The following APLF variants were observed in gnomAD, a reference collection of about 807,000 sequenced individuals.
APLF encodes aprataxin and PNK-like factor.
A neutral mutation model predicts 55.6 loss-of-function variants in APLF; 61 were observed. The ratio of observed to expected loss-of-function variants is 1.10; its 90% CI spans 0.89 to 1.36. APLF has a LOEUF of 1.36. Among genes scored for constraint, APLF ranks in the 40% most tolerant of loss-of-function variants. The probability of loss-of-function intolerance (pLI) is 0.00; values close to 1 mark genes in which losing one functional copy is unlikely to be tolerated. For synonymous variants in APLF, 207 were observed against 214.8 expected, an observed-to-expected ratio of 0.96 and a Z score of 0.32; for missense variants, 611 against 602.5, an observed-to-expected ratio of 1.01 and a Z score of -0.15.
intron 1 of APLF, among the ~76,000 whole-genome samples, chr2:68,482,535 T>A (rs1228310116): frequency 6.6e-6 from 1 of 152,150 alleles, no homozygotes; most frequent in Non-Finnish European, 1.5e-5. Flanking sequence ...GCAGGGCTGC[T>A]AGGCTACTTC....
intron 8 of APLF, among the ~76,000 whole-genome samples, chr2:68,560,465 A>G (rs1671138483): frequency 6.6e-6 from 1 of 152,150 alleles, no homozygotes; most frequent in Non-Finnish European, 1.5e-5. Flanking sequence ...AATTACAAAG[A>G]TTTATAACTT....
chr2:68,566,060 C>T (rs1213906081), intron 8 of APLF, among the ~76,000 whole-genome samples: 2 of 151,958 alleles, frequency 1.3e-5, no homozygotes, highest in Non-Finnish European at 2.9e-5. Context: ...AGACTAGGTT[C>T]GGGGCTAGAG....
chr2:68,536,065 C>T (rs1290355489), intron 6 of APLF, among the ~76,000 whole-genome samples: 4 of 152,074 alleles, frequency 2.6e-5, no homozygotes, highest in African/African-American at 9.7e-5. Context: ...GGGGGAACTG[C>T]CTAGTAGGGA....
At chr2:68,471,639 A>G (rs987535834) in intron 1 of APLF, among the ~76,000 whole-genome samples, 5 of 152,206 alleles carry the variant, frequency 3.3e-5, no homozygotes, top group African/African-American at 9.7e-5. Context: ...GAGGGTCTCT[A>G]TGCAATCCCT....
chr2:68,513,027 GC>G (rs1669446666), intron 3 of APLF, 52 bp from the exon 4 acceptor site: 9 of 1,510,432 alleles, frequency 6.0e-6, no homozygotes, highest in African/African-American at 1.4e-5. Flanking sequence ...TTCTAAGGCA[GC>G]AGAAGTGTGT....
At chr2:68,501,402 C>T (rs965769047) in intron 2 of APLF, among the ~76,000 whole-genome samples, 11 of 151,122 alleles carry the variant, frequency 7.3e-5, no homozygotes, top group African/African-American at 2.4e-4. Context: ...TAATAGAGAT[C>T]GGTGCTCTCT....
intron 1 of APLF, among the ~76,000 whole-genome samples, chr2:68,485,187 T>C (rs1223185771): frequency 2.0e-5 from 3 of 152,144 alleles, no homozygotes; most frequent in Non-Finnish European, 4.4e-5. Flanking sequence ...AATAATGCAC[T>C]TTTTGCATTT....
At chr2:68,563,443 C>A in intron 8 of APLF, 1 of 809,154 alleles carries the variant, frequency 1.2e-6, no homozygotes, top group Non-Finnish European at 1.5e-6. Flanking sequence ...CATGCGAGTG[C>A]AACTGGGAAT....
chr2:68,489,182 A>G (rs943185466), intron 1 of APLF, among the ~76,000 whole-genome samples: 14 of 152,214 alleles, frequency 9.2e-5, no homozygotes, highest in Admixed American at 3.3e-4. Context: ...TGGAACAGCT[A>G]TCTGGTTAAA....
At chr2:68,554,556 G>T (rs1670952436) in intron 8 of APLF, among the ~76,000 whole-genome samples, 1 of 151,546 alleles carries the variant, frequency 6.6e-6, no homozygotes, top group South Asian at 2.1e-4. Flanking sequence ...CCATTTGTTT[G>T]TGTCGTCTAT....
intron 1 of APLF, among the ~76,000 whole-genome samples, chr2:68,484,362 G>C (rs1676061037): frequency 6.6e-6 from 1 of 152,058 alleles, no homozygotes; most frequent in South Asian, 2.1e-4. Flanking sequence ...TAAGAATAGA[G>C]AGACCTGTTC....
chr2:68,515,423 A>G (rs1315476374), intron 5 of APLF, among the ~76,000 whole-genome samples: 2 of 151,938 alleles, frequency 1.3e-5, no homozygotes, highest in East Asian at 3.9e-4. Flanking sequence ...CTGATAAAAG[A>G]AAGACTTAAC....
chr2:68,579,610 G>T lies in APLF; in HGVS notation c.*1588G>T, dbSNP rs935791970. 1 of 164,958 alleles carries T rather than the reference G, an allele frequency of 6.1e-6. No individual in the cohort carries two copies. Among genetic ancestry groups the T allele is most frequent in the Admixed American group, 6.6e-5 (1 of 15,264 alleles). 10.2% of individuals were successfully genotyped at this position (164,958 alleles called of 1,614,324 possible). ...ATATCTGTGCAATGGAATATTATTT[G>T]GTCATAAAAAGGAATAAAGTACTGA... On this transcript the variant is annotated 3_prime_UTR_variant, in exon 10 of 10. Coordinates refer to ENST00000303795, the MANE Select transcript of APLF (RefSeq NM_173545.3).
chr2:68,514,667 C>T (rs964367373), intron 5 of APLF, among the ~76,000 whole-genome samples: 1 of 151,750 alleles, frequency 6.6e-6, no homozygotes, highest in African/African-American at 2.4e-5. Flanking sequence ...AGGATTTTAT[C>T]ACTCACCTCT....
chr2:68,551,947 A>C (rs1392391936), intron 8 of APLF, among the ~76,000 whole-genome samples: 2 of 151,978 alleles, frequency 1.3e-5, no homozygotes, highest in Non-Finnish European at 2.9e-5. Flanking sequence ...ATTTAGATAG[A>C]TAGTAGCTAG....
chr2:68,533,435 C>A (rs777084219), intron 6 of APLF, among the ~76,000 whole-genome samples: 29 of 152,124 alleles, frequency 1.9e-4, no homozygotes, highest in Admixed American at 1.1e-3. Flanking sequence ...TTTTAACTGT[C>A]TATTGCTGTG....
chr2:68,485,292 AGTC>A (rs1242250176), intron 1 of APLF, among the ~76,000 whole-genome samples: 6 of 152,240 alleles, frequency 3.9e-5, no homozygotes, highest in African/African-American at 1.4e-4. Flanking sequence ...TGCTTCTGTG[AGTC>A]CAGGCCAGTT....
intron 8 of APLF, among the ~76,000 whole-genome samples, chr2:68,559,575 CCAAGAAGCACCTT>C (rs1217840351): frequency 1.6e-4 from 24 of 152,116 alleles, no homozygotes; most frequent in African/African-American, 5.8e-4. Context: ...AGGTGCTTCA[CCAAGAAGCACCTT>C]TGACTCTTCT....
intron 3 of APLF, among the ~76,000 whole-genome samples, chr2:68,509,312 A>G (rs1676970427): frequency 6.6e-6 from 1 of 152,196 alleles, no homozygotes; most frequent in South Asian, 2.1e-4. Context: ...AAATTTTTGC[A>G]ATCTGCTCAT....
Sources: allele counts gnomAD v4.1 joint callset (sites outside exome capture counted in the v4.1 genomes callset), GRCh38; gene constraint gnomAD v4.1.1; transcripts MANE v1.5; gene names NCBI Gene and HGNC (gene_info 2026-07-23, HGNC 2026-07-21).